The following MTA3 variants were observed in gnomAD, a reference collection of about 807,000 sequenced individuals.
MTA3 encodes the protein metastasis-associated protein MTA3.
In MTA3, 34 loss-of-function variants were observed where a neutral mutation model predicts 83.5. The observed-to-expected ratio is 0.41, with a 90% CI of 0.31 to 0.54. MTA3 has a LOEUF of 0.54. Ranked by LOEUF, MTA3 falls within the 20% of genes least tolerant of loss-of-function variation. The pLI is 0.33. For synonymous variants in MTA3, 303 were observed against 252.7 expected (o/e 1.20, Z -1.89); for missense variants, 761 against 726.4 (o/e 1.05, Z -0.55).
At chr2:42,655,719 C>G (rs1458501605) in intron 6 of MTA3, among the ~76,000 whole-genome samples, 1 of 152,214 alleles carries the variant, frequency 6.6e-6, no homozygotes, top group East Asian at 1.9e-4. Context: ...TCTCGTGCCT[C>G]AACCTCCCGA....
In MTA3 at chr2:42,496,218, G is replaced by T. The variant is rs142284987; in HGVS notation, c.-141+964G>T. On this transcript the variant is annotated intron_variant, in intron 2 of 17. Coordinates refer to the MTA3 transcript ENST00000405592. ...AATTAATTTGATGACAATACAATGT[G>T]TGCCTCCTAGGTATATTTTCATGCG... Among the ~76,000 whole-genome samples, 21 of 152,290 alleles carry T rather than the reference G, an allele frequency of 1.4e-4. No homozygotes were observed. The East Asian group carries it at 2.5e-3, about 18-fold the overall frequency.
chr2:42,738,441 A>C (rs910933562), intron 16 of MTA3, among the ~76,000 whole-genome samples: 1 of 152,216 alleles, frequency 6.6e-6, no homozygotes, highest in Non-Finnish European at 1.5e-5. Flanking sequence ...TTCCCCAGTC[A>C]ATACCCTTGT....
Position 42,672,433 on chromosome 2 carries a change from A to G in MTA3, c.703-9968A>G, listed in dbSNP as rs1351928610. 5.3e-5 allele frequency among the ~76,000 whole-genome samples: 8 copies of G among 151,856 alleles called. No individual in the cohort carries two copies. The East Asian group carries it at 1.5e-3, about 29-fold the overall frequency. ...CGAGGCGGGTGGATCACTTGAGGCT[A>G]GGAGTTCAAAACCAGCCTGGCTAAC... On this transcript the variant is annotated intron_variant, in intron 8 of 16. Coordinates refer to ENST00000405094, the MANE Select transcript of MTA3 (RefSeq NM_001330442.2).
At chr2:42,667,631 G>T (rs1317057137) in intron 8 of MTA3, among the ~76,000 whole-genome samples, 9,625 of 115,686 alleles carry the variant, frequency 0.083, 448 homozygotes, top group Admixed American at 0.12. Flanking sequence ...AAGAGAGAGA[G>T]AGAGAGAGAG....
chr2:42,756,062 T>C lies in MTA3; in HGVS notation c.*2663T>C. On this transcript the variant is annotated 3_prime_UTR_variant, in exon 17 of 17. Transcript: ENST00000405094. Reference sequence around the variant, plus strand: ...AAGTGGGGGTTTTCATCCAGAGATTTGTTTAACACAAAACAAGAAAAGCTG... The same window carrying C: ...AAGTGGGGGTTTTCATCCAGAGATTCGTTTAACACAAAACAAGAAAAGCTG... 3.1e-6 allele frequency: 3 copies of C among 972,966 alleles called. No individual in the cohort carries two copies. Among genetic ancestry groups the C allele is most frequent in the Non-Finnish European group, 3.7e-6 (3 of 818,646 alleles). The allele number at this position is 972,966 out of a possible 1,614,324, so 60.3% of individuals were successfully genotyped here.
chr2:42,667,989 C>A (rs943511814), intron 8 of MTA3, among the ~76,000 whole-genome samples: 1 of 152,128 alleles, frequency 6.6e-6, no homozygotes, highest in South Asian at 2.1e-4. Context: ...ATGTATGATC[C>A]GTGTAGCCCG....
chr2:42,505,387 A>T (rs1674585814), intron 2 of MTA3, among the ~76,000 whole-genome samples: 1 of 152,046 alleles, frequency 6.6e-6, no homozygotes, highest in Admixed American at 6.6e-5. Context: ...GTGAGACTTC[A>T]TCTCAAAAAC....
intron 16 of MTA3, among the ~76,000 whole-genome samples, chr2:42,741,778 A>C (rs1486641509): frequency 6.6e-6 from 1 of 152,214 alleles, no homozygotes; most frequent in Non-Finnish European, 1.5e-5. Flanking sequence ...CAATTACAAT[A>C]GTAACATCAA....
chr2:42,724,074 G>A (rs946660070), intron 16 of MTA3, among the ~76,000 whole-genome samples: 1 of 152,052 alleles, frequency 6.6e-6, no homozygotes. Context: ...GGCCATCCTT[G>A]ACACAATATA....
chr2:42,568,721 G>T lies in MTA3; in HGVS notation c.-25G>T. 8.3e-7 allele frequency: 1 copy of T among 1,211,978 alleles called. No homozygotes were observed. The highest frequency in any genetic ancestry group is 1.0e-6 in the Non-Finnish European group (1 of 976,422). 75.1% of individuals were successfully genotyped at this position (1,211,978 alleles called of 1,614,324 possible). ...GGCGGCGGCGGGCGGGGCTCGGCTC[G>T]GGCTCCGCGGGCGGGCGGGCGGACA... On this transcript the variant is annotated 5_prime_UTR_variant, in exon 1 of 17. Transcript: ENST00000405094.
rs74498032 is a variant in MTA3 at position 42,526,394 on chromosome 2, C to G, written c.-141+31140C>G. ...TTCTGGGTGAGGCCAAGATTCCTGG[C>G]TCTCCCTGTGTCCCACACTTCTCCA... On this transcript the variant is annotated intron_variant, in intron 2 of 17. Coordinates refer to the MTA3 transcript ENST00000405592. 3.6e-3 allele frequency among the ~76,000 whole-genome samples: 555 copies of G among 152,236 alleles called. 7 individuals carry two copies. The highest frequency in any genetic ancestry group is 0.013 in the African/African-American group (526 of 41,550).
chr2:42,620,141 A>G (rs1685370536), intron 4 of MTA3, among the ~76,000 whole-genome samples: 1 of 147,438 alleles, frequency 6.8e-6, no homozygotes, highest in Admixed American at 6.7e-5. Flanking sequence ...TTTTTTTTTA[A>G]AGAGTCTTGC....
chr2:42,506,930 T>C (rs1674659364), intron 2 of MTA3, among the ~76,000 whole-genome samples: 1 of 151,954 alleles, frequency 6.6e-6, no homozygotes, highest in Non-Finnish European at 1.5e-5. Flanking sequence ...TGAGACAGAG[T>C]CTCACTCCAT....
intron 2 of MTA3, among the ~76,000 whole-genome samples, chr2:42,548,724 G>C (rs1676874550): frequency 7.0e-6 from 1 of 141,918 alleles, no homozygotes; most frequent in South Asian, 2.2e-4. Context: ...GATCACCTGA[G>C]CTGGGGAGGT....
At chr2:42,548,214 C>A (rs1212311808) in intron 2 of MTA3, among the ~76,000 whole-genome samples, 2 of 152,192 alleles carry the variant, frequency 1.3e-5, no homozygotes, top group African/African-American at 4.8e-5. Context: ...CCTGGAATCC[C>A]AGCACTTTGG....
chr2:42,637,929 A>G (rs897119046), intron 4 of MTA3, among the ~76,000 whole-genome samples: 1 of 152,196 alleles, frequency 6.6e-6, no homozygotes, highest in African/African-American at 2.4e-5. Flanking sequence ...TTAACCCTTA[A>G]AAGTCAAGGG....
At chr2:42,591,634 T>TTTTTCGTTTA (rs57722026) in intron 3 of MTA3, among the ~76,000 whole-genome samples, 1 of 150,092 alleles carries the variant, frequency 6.7e-6, no homozygotes, top group Admixed American at 6.6e-5. Context: ...GCTTTTTTTC[T>TTTTTCGTTTA]TTTTATTTTA....
At chr2:42,602,101 A>G (rs1682649256) in intron 3 of MTA3, among the ~76,000 whole-genome samples, 2 of 152,102 alleles carry the variant, frequency 1.3e-5, no homozygotes, top group South Asian at 2.1e-4. Flanking sequence ...TTGGCCCCCC[A>G]AAGTGTTGGG....
intron 9 of MTA3, among the ~76,000 whole-genome samples, chr2:42,683,669 C>A (rs1692129272): frequency 6.6e-6 from 1 of 152,120 alleles, no homozygotes; most frequent in Non-Finnish European, 1.5e-5. Flanking sequence ...GCATTAGATT[C>A]TCATAAGAAG....
Sources: gnomAD v4.1 joint callset for allele counts (sites outside exome capture counted in the v4.1 genomes callset) on GRCh38, gnomAD v4.1.1 for gene constraint, MANE v1.5 for transcripts, NCBI Gene and HGNC (gene_info 2026-07-23, HGNC 2026-07-21) for gene names.